CDO1: variants seen among roughly 807,000 people sequenced by gnomAD.
The protein encoded by CDO1 is cysteine dioxygenase, type I.
Under a neutral mutation model 24.5 loss-of-function variants are expected in CDO1, and 19 were observed. The observed-to-expected ratio is 0.77, with a 90% CI of 0.54 to 1.14. The LOEUF is 1.14. Among genes scored for constraint, CDO1 ranks in the 50% most tolerant of loss-of-function variants. CDO1 has a pLI of 0.00. For synonymous variants in CDO1, 91 were observed against 87.0 expected, an observed-to-expected ratio of 1.05 and a Z score of -0.26; for missense variants, 244 against 244.8, an observed-to-expected ratio of 1.00 and a Z score of 0.02.
chr5:115,809,349 C>G (rs1351844743), intron 3 of CDO1, among the ~76,000 whole-genome samples: 1 of 152,082 alleles, frequency 6.6e-6, no homozygotes, highest in Non-Finnish European at 1.5e-5. Flanking sequence ...GGTCCAGGCC[C>G]GGTCGACCTT....
chr5:115,807,412 C>G (rs7731612), intron 3 of CDO1, among the ~76,000 whole-genome samples: 3,484 of 152,186 alleles, frequency 0.023, 47 homozygotes, highest in African/African-American at 0.031. Context: ...AGCACATTGC[C>G]AAGGTCACCA....
At chr5:115,811,117 C>A in intron 3 of CDO1, 44 bp downstream of exon 3, 2 of 1,569,478 alleles carry the variant, frequency 1.3e-6, no homozygotes, top group Non-Finnish European at 1.7e-6. Context: ...GACAAAAGGT[C>A]ATGGTTCTTC....
intron 2 of CDO1, among the ~76,000 whole-genome samples, chr5:115,811,759 T>C (rs1760198019): frequency 6.6e-6 from 1 of 152,198 alleles, no homozygotes. Context: ...CACTTAACAT[T>C]TAATGTTTTT....
chr5:115,807,328 T>C (rs1759990079), intron 3 of CDO1, among the ~76,000 whole-genome samples: 1 of 152,160 alleles, frequency 6.6e-6, no homozygotes, highest in Non-Finnish European at 1.5e-5. Context: ...TATCAAAAAG[T>C]GAAATCCAGT....
At chr5:115,813,314 G>T (rs1264480018) in intron 1 of CDO1, 56 bp from the exon 2 acceptor site, 1 of 932,690 alleles carries the variant, frequency 1.1e-6, no homozygotes, top group Non-Finnish European at 1.8e-6. Context: ...ACAAGCACTG[G>T]AAAAAATAAG....
At chr5:115,808,371 A>G (rs943461854) in intron 3 of CDO1, among the ~76,000 whole-genome samples, 1 of 152,214 alleles carries the variant, frequency 6.6e-6, no homozygotes, top group Non-Finnish European at 1.5e-5. Flanking sequence ...GTGATAATCC[A>G]TAACCCAGCT....
At chr5:115,809,333 G>C (rs1275272971) in intron 3 of CDO1, among the ~76,000 whole-genome samples, 1 of 152,102 alleles carries the variant, frequency 6.6e-6, no homozygotes, top group African/African-American at 2.4e-5. Flanking sequence ...TTATGAAGCA[G>C]AGTTAGGTCC....
intron 3 of CDO1, among the ~76,000 whole-genome samples, chr5:115,807,232 A>T (rs1759985583): frequency 6.6e-6 from 1 of 152,242 alleles, no homozygotes; most frequent in Non-Finnish European, 1.5e-5. Flanking sequence ...ATAGGAAGCA[A>T]CTTCTCAGAG....
rs1001281958 is a variant in CDO1, at chr5:115,805,341, A to G, written c.*92T>C. On this transcript the variant is annotated 3_prime_UTR_variant, in exon 5 of 5. Transcript: ENST00000250535. Reference sequence around the variant, plus strand: ...GATCTAAGTATTGGCTTATTTAAGTATATTACTGGATAGCACGTGGTAGGT... The same window carrying G: ...GATCTAAGTATTGGCTTATTTAAGTGTATTACTGGATAGCACGTGGTAGGT... The G allele has an allele frequency of 1.9e-6, 2 of 1,057,184 alleles. No individual in the cohort carries two copies. The highest frequency in any genetic ancestry group is 1.6e-5 in the African/African-American group (1 of 61,618). The allele number at this position is 1,057,184 out of a possible 1,614,324, so 65.5% of individuals were successfully genotyped here.
intron 3 of CDO1, among the ~76,000 whole-genome samples, chr5:115,808,674 A>G (rs1211162875): frequency 6.6e-6 from 1 of 152,170 alleles, no homozygotes; most frequent in African/African-American, 2.4e-5. Flanking sequence ...GAAGCAGTCA[A>G]GAGGCCCTGG....
Position 115,805,474 on chromosome 5 carries a change from GGAAA to G in CDO1, c.574-16_574-13del. 6.2e-7 allele frequency: 1 copy of G among 1,612,562 alleles called. No individual in the cohort carries two copies. The highest frequency in any genetic ancestry group is 8.5e-7 in the Non-Finnish European group (1 of 1,179,200). The stretch of plus-strand genomic sequence containing the variant: ...GAGCCCGAAGTTGCCTGTAAAAAAG[GGAAA>G]AAAAGAAAGCTGTGTAAGAAACTTT... On this transcript the variant is annotated splice_polypyrimidine_tract_variant and intron_variant, in intron 4 of 4. Coordinates refer to ENST00000250535, the MANE Select transcript of CDO1 (RefSeq NM_001801.3).
In CDO1 at chr5:115,806,534, G is replaced by A; in HGVS notation, c.404-16C>T. 1 of 1,593,558 alleles carries A rather than the reference G, an allele frequency of 6.3e-7. No homozygotes were observed. The highest frequency in any genetic ancestry group is 8.5e-7 in the Non-Finnish European group (1 of 1,173,104). On this transcript the variant is annotated splice_polypyrimidine_tract_variant and intron_variant, in intron 3 of 4. Coordinates refer to ENST00000250535, the MANE Select transcript of CDO1 (RefSeq NM_001801.3). ...CCAATGGAATCTAAACAATATCCGG[G>A]AAGGAAAAATAGATAAAGGAGCCTA... is the stretch of plus-strand genomic sequence containing the variant.
chr5:115,810,896 A>G (rs1027810261), intron 3 of CDO1, among the ~76,000 whole-genome samples: 1 of 152,194 alleles, frequency 6.6e-6, no homozygotes, highest in Non-Finnish European at 1.5e-5. Flanking sequence ...GTAAATTCAT[A>G]TTTTATTTTA....
chr5:115,806,355 A>G lies in CDO1; in HGVS notation c.567T>C (p.Thr189=), dbSNP rs1759943785. 1 of 1,604,266 alleles carries G rather than the reference A, an allele frequency of 6.2e-7. No individual in the cohort carries two copies. The highest frequency in any genetic ancestry group is 8.5e-7 in the Non-Finnish European group (1 of 1,176,586). ...TAGAAGAAATTATACTCACATTTGG[A>G]GTTCTGATTCCAAATTTACTATGGA... The part of the protein sequence containing the change: ...MTFHSKFGIR[T]PNATSGSLEN... Residue 189 remains threonine (T), a synonymous_variant, in exon 4 of 5, where the codon ACT becomes ACC. Transcript: ENST00000250535.
chr5:115,805,427 T>G lies in CDO1; in HGVS notation c.*6A>C. 6.2e-7 allele frequency: 1 copy of G among 1,613,736 alleles called. No individual in the cohort carries two copies. Among genetic ancestry groups the G allele is most frequent in the East Asian group, 2.2e-5 (1 of 44,882 alleles). On this transcript the variant is annotated 3_prime_UTR_variant, in exon 5 of 5. Coordinates refer to ENST00000250535, the MANE Select transcript of CDO1 (RefSeq NM_001801.3). ...TAAAGTAAAACCTCAGAGGGTTTGG[T>G]GCCCCTTAGTTGTTCTCCAGCGAGC...
In CDO1 at chr5:115,816,406, G is replaced by T; in HGVS notation, c.-9C>A. The T allele has an allele frequency of 6.2e-7, 1 of 1,611,488 alleles. No homozygotes were observed. Among genetic ancestry groups the T allele is most frequent in the Non-Finnish European group, 8.5e-7 (1 of 1,179,812 alleles). Reference sequence around the variant, plus strand: ...ACTTCGGTCTGTTCCATCTCGTGGGGAGCTGGCTGCGCGCGCGTCTCACTG... The same window carrying T: ...ACTTCGGTCTGTTCCATCTCGTGGGTAGCTGGCTGCGCGCGCGTCTCACTG... On this transcript the variant is annotated 5_prime_UTR_variant, in exon 1 of 5. Coordinates refer to ENST00000250535, the MANE Select transcript of CDO1 (RefSeq NM_001801.3).
chr5:115,816,128 G>A, intron 1 of CDO1, 100 bp downstream of exon 1: 1 of 1,213,096 alleles, frequency 8.2e-7, no homozygotes, highest in Non-Finnish European at 1.1e-6. Flanking sequence ...CGCGGCCCGA[G>A]CTTCCCGAGC....
At chr5:115,811,834 GTAT>G (rs1299585344) in intron 2 of CDO1, among the ~76,000 whole-genome samples, 1 of 152,110 alleles carries the variant, frequency 6.6e-6, no homozygotes, top group African/African-American at 2.4e-5. Context: ...ATCTATATGT[GTAT>G]TACCATCCTA....
chr5:115,809,920 C>G (rs1368730138), intron 3 of CDO1, among the ~76,000 whole-genome samples: 1 of 152,150 alleles, frequency 6.6e-6, no homozygotes, highest in African/African-American at 2.4e-5. Flanking sequence ...CCAGTTCATA[C>G]CAGGCCTCAC....
Sources: gnomAD v4.1 joint callset for allele counts (sites outside exome capture counted in the v4.1 genomes callset) on GRCh38, gnomAD v4.1.1 for gene constraint, MANE v1.5 for transcripts, NCBI Gene and HGNC (gene_info 2026-07-23, HGNC 2026-07-21) for gene names.